Variants in PTPRG observed in about 807,000 individuals in gnomAD.
The protein encoded by PTPRG is receptor-type tyrosine-protein phosphatase gamma.
In PTPRG, 102 loss-of-function variants were observed where a neutral mutation model predicts 165.3. That is an observed-to-expected ratio of 0.62 (90% CI 0.53 to 0.73). The LOEUF (loss-of-function observed/expected upper bound fraction) is 0.73. Among genes scored for constraint, PTPRG ranks in the 30% least tolerant of loss-of-function variants. The pLI is 0.00. For synonymous variants in PTPRG, 675 were observed against 669.5 expected (o/e 1.01, Z -0.13); for missense variants, 1,866 against 1,861.4 (o/e 1.00, Z -0.05).
chr3:61,842,645 G>A (rs959541923), intron 2 of PTPRG, among the ~76,000 whole-genome samples: 10 of 140,974 alleles, frequency 7.1e-5, no homozygotes, highest in Non-Finnish European at 1.5e-4. Flanking sequence ...CACAGATAAA[G>A]TGAATTTTTC....
Position 62,210,726 on chromosome 3 carries a change from T to C in PTPRG, c.2155+6776T>C, listed in dbSNP as rs181552871. Among the ~76,000 whole-genome samples, 7 of 152,344 alleles carry C rather than the reference T, an allele frequency of 4.6e-5. No homozygotes were observed. Among genetic ancestry groups the C allele is most frequent in the Admixed American group, 3.9e-4 (6 of 15,296 alleles). On this transcript the variant is annotated intron_variant, in intron 12 of 29. Coordinates refer to ENST00000474889, the MANE Select transcript of PTPRG (RefSeq NM_002841.4). This position sits in a 1 kb window ranked among gnomAD's most constrained non-coding sequence, Gnocchi z 4.1. ...AAGATGATGAGAATGAAGACCTTTA[T>C]GATGACCCACTTCCACTTAATGAAT...
At chr3:62,062,088 T>C (rs1575952866) in intron 4 of PTPRG, among the ~76,000 whole-genome samples, 1 of 151,386 alleles carries the variant, frequency 6.6e-6, no homozygotes, top group Non-Finnish European at 1.5e-5. Flanking sequence ...TCACCTGAGG[T>C]TGGGAGTTCG....
chr3:61,750,560 G>T (rs2033387658), intron 2 of PTPRG: 1 of 152,168 alleles, frequency 6.6e-6, no homozygotes, highest in African/African-American at 2.4e-5. Context: ...ATTGCCTCCA[G>T]TAGTAGAAGG....
chr3:61,827,119 T>C (rs1390748902), intron 2 of PTPRG, among the ~76,000 whole-genome samples: 2 of 152,198 alleles, frequency 1.3e-5, no homozygotes, highest in East Asian at 3.9e-4. Context: ...TTCTATCCTC[T>C]ATAGTCAGGG....
chr3:61,953,694 T>C (rs2039955589), intron 2 of PTPRG, among the ~76,000 whole-genome samples: 1 of 152,144 alleles, frequency 6.6e-6, no homozygotes, highest in Non-Finnish European at 1.5e-5. Context: ...TCTTCTCCAA[T>C]GTAGAAGGGT....
At chr3:62,225,805 C>A (rs553883641) in intron 13 of PTPRG, among the ~76,000 whole-genome samples, 6 of 152,038 alleles carry the variant, frequency 3.9e-5, no homozygotes, top group Non-Finnish European at 8.8e-5. Context: ...CAGGCACCCA[C>A]CACCACGCCC....
chr3:61,904,972 C>T (rs908332334), intron 2 of PTPRG, among the ~76,000 whole-genome samples: 3 of 151,620 alleles, frequency 2.0e-5, no homozygotes, highest in African/African-American at 7.3e-5. Context: ...CATTTGGTTC[C>T]TGCTGTCTGT....
At chr3:61,569,532 T>A (rs1296670755) in intron 1 of PTPRG, among the ~76,000 whole-genome samples, 2 of 152,346 alleles carry the variant, frequency 1.3e-5, no homozygotes, top group East Asian at 3.9e-4. Flanking sequence ...TTGCCCAGGC[T>A]GGTCTTAAAC....
At chr3:61,644,778 C>A (rs1559537765) in intron 1 of PTPRG, among the ~76,000 whole-genome samples, 1 of 152,168 alleles carries the variant, frequency 6.6e-6, no homozygotes, top group Non-Finnish European at 1.5e-5. Context: ...CATTGAAAGG[C>A]TACACTCTCC....
intron 27 of PTPRG, 106 bp downstream of exon 27, chr3:62,281,815 T>G: frequency 9.1e-7 from 1 of 1,094,542 alleles, no homozygotes; most frequent in Non-Finnish European, 1.3e-6. Flanking sequence ...CTCAGGCATT[T>G]GAGTAAGACT....
Position 62,255,197 on chromosome 3 carries a change from G to C in PTPRG, c.2541G>C (p.Gly847=), listed in dbSNP as rs749688474. 6.8e-6 allele frequency: 11 copies of C among 1,611,958 alleles called. No homozygotes were observed. The highest frequency in any genetic ancestry group is 9.3e-6 in the Non-Finnish European group (11 of 1,178,966). ...IGELYSNNQH[G]FSEDFEEVQR... is the part of the protein sequence containing the mutation. Reference sequence around the variant, plus strand: ...AGCTCTATTCTAATAACCAGCATGGGTTCTCTGAGGATTTTGAGGTATGTT... The same window carrying C: ...AGCTCTATTCTAATAACCAGCATGGCTTCTCTGAGGATTTTGAGGTATGTT... Residue 847 remains glycine (G), a synonymous_variant, in exon 16 of 30, where the codon GGG becomes GGC. Coordinates refer to ENST00000474889, the MANE Select transcript of PTPRG (RefSeq NM_002841.4). The surrounding 1 kb of genome is among the most constrained non-coding windows in gnomAD (Gnocchi z 4.0).
chr3:61,873,591 C>A (rs2687149), intron 2 of PTPRG, among the ~76,000 whole-genome samples: 45,526 of 151,882 alleles, frequency 0.3, 8,383 homozygotes, highest in African/African-American at 0.53. Flanking sequence ...TATGGGTTGC[C>A]TTTGGCATTT....
chr3:61,790,508 TAGAAAA>T (rs2107124790), intron 2 of PTPRG, among the ~76,000 whole-genome samples: 1 of 152,376 alleles, frequency 6.6e-6, no homozygotes, highest in South Asian at 2.1e-4. Flanking sequence ...CTTTTGGAGT[TAGAAAA>T]AGAACCATGG....
intron 8 of PTPRG, among the ~76,000 whole-genome samples, chr3:62,186,567 C>CCTTTTTTTTTTTTTTTTTTTTTTTTT (rs1705895088): frequency 1.6e-4 from 19 of 117,514 alleles, no homozygotes; most frequent in African/African-American, 6.6e-4. Context: ...TTTTCTTTTC[C>CCTTTTTTTTTTTTTTTTTTTTTTTTT]TTTTTTTTTT....
chr3:61,869,657 C>T (rs1346777839), intron 2 of PTPRG, among the ~76,000 whole-genome samples: 1 of 151,966 alleles, frequency 6.6e-6, no homozygotes, highest in Non-Finnish European at 1.5e-5. Flanking sequence ...TGGCTTACTG[C>T]AGCCTCAACC....
intron 5 of PTPRG, among the ~76,000 whole-genome samples, chr3:62,111,213 A>G (rs532293724): frequency 3.8e-4 from 58 of 152,320 alleles, no homozygotes; most frequent in African/African-American, 1.3e-3. Flanking sequence ...AGTTAAGTCA[A>G]ATCAACAGGC....
At chr3:61,880,912 T>C (rs1220418779) in intron 2 of PTPRG, among the ~76,000 whole-genome samples, 3 of 151,794 alleles carry the variant, frequency 2.0e-5, no homozygotes, top group Non-Finnish European at 2.9e-5. Context: ...GGGGTCAGTT[T>C]CTACTGACCT....
intron 2 of PTPRG, among the ~76,000 whole-genome samples, chr3:61,821,430 A>G (rs1192862878): frequency 1.3e-5 from 2 of 152,108 alleles, no homozygotes; most frequent in African/African-American, 2.4e-5. Flanking sequence ...CGGCCTCCCA[A>G]AGTGTTGGGA....
At chr3:61,667,915 C>G (rs537990368) in intron 1 of PTPRG, among the ~76,000 whole-genome samples, 2 of 152,110 alleles carry the variant, frequency 1.3e-5, no homozygotes, top group South Asian at 4.1e-4. Flanking sequence ...ATCTGGCCTA[C>G]TGCCTATTTT....
Sources: allele counts gnomAD v4.1 joint callset (sites outside exome capture counted in the v4.1 genomes callset), GRCh38; gene constraint gnomAD v4.1.1; non-coding constraint Gnocchi (gnomAD v3.1); transcripts MANE v1.5; gene names NCBI Gene and HGNC (gene_info 2026-07-23, HGNC 2026-07-21).